The following ETHE1 variants were observed in gnomAD, a reference collection of about 807,000 sequenced individuals.
ETHE1 encodes the protein ETHE1 persulfide dioxygenase, also known as persulfide dioxygenase ETHE1, mitochondrial.
In ETHE1, 16 loss-of-function variants were observed where a neutral mutation model predicts 25.7. That is an observed-to-expected ratio of 0.62 (90% CI 0.42 to 0.95). The LOEUF (loss-of-function observed/expected upper bound fraction) is 0.95. Ranked by LOEUF, ETHE1 falls within the 40% of genes least tolerant of loss-of-function variation. The probability of loss-of-function intolerance (pLI) is 0.00; values close to 1 mark genes in which losing one functional copy is unlikely to be tolerated. For missense variants in ETHE1, 300 were observed against 333.6 expected (o/e 0.90, Z 0.79); for synonymous variants, 139 against 135.9 (o/e 1.02, Z -0.16).
At position 43,527,174 on chromosome 19, in the gene ETHE1, C is replaced by G. The variant is rs1972272506; in HGVS notation, c.4G>C (p.Ala2Pro). Reference protein sequence around the residue: MAEAVLRVARRQ... With the variant: MPEAVLRVARRQ... ...CGGGCGACCCTCAGTACAGCCTCCG[C>G]CATCGCGCCCACTGCGGGGTCAGGA... The change falls in exon 1 of 7, where the codon GCG (alanine) becomes CCG (proline). Residue 2 changes from alanine (A) to proline (P), a missense_variant. Ala to Pro is a conservative substitution (Grantham distance 27). Coordinates refer to ENST00000292147, the MANE Select transcript of ETHE1 (RefSeq NM_014297.5). 3 of 1,537,928 alleles carry G rather than the reference C, an allele frequency of 2.0e-6. No individual in the cohort carries two copies. Among genetic ancestry groups the G allele is most frequent in the Non-Finnish European group, 2.6e-6 (3 of 1,146,642 alleles).
intron 4 of ETHE1, among the ~76,000 whole-genome samples, chr19:43,510,190 T>G (rs1044422341): frequency 6.6e-6 from 1 of 152,118 alleles, no homozygotes; most frequent in African/African-American, 2.4e-5. Context: ...GCTCAAAGGA[T>G]GGCCCAACCC....
chr19:43,521,420 T>C (rs1027994489), intron 3 of ETHE1, among the ~76,000 whole-genome samples: 2 of 152,172 alleles, frequency 1.3e-5, no homozygotes, highest in Non-Finnish European at 2.9e-5. Flanking sequence ...TCCCCTGCCC[T>C]ACACCCCTGC....
chr19:43,513,218 A>G (rs1971953761), intron 3 of ETHE1, among the ~76,000 whole-genome samples: 1 of 152,154 alleles, frequency 6.6e-6, no homozygotes, highest in African/African-American at 2.4e-5. Context: ...GACAGTGCAG[A>G]AGGGAAATGT....
chr19:43,509,721 A>G lies in ETHE1; in HGVS notation c.506-857T>C, dbSNP rs182851421. Among the ~76,000 whole-genome samples, 233 of 152,136 alleles carry G rather than the reference A, an allele frequency of 1.5e-3. 3 individuals are homozygous for G. Among genetic ancestry groups the G allele is most frequent in the Middle Eastern group, 6.8e-3 (2 of 294 alleles). On this transcript the variant is annotated intron_variant, in intron 4 of 6. Transcript: ENST00000292147. The stretch of plus-strand genomic sequence containing the variant: ...TGAGGCAGGAGAATGGCGTGAACCC[A>G]GGAGGCAGAGCTTGCAGTGAGCCAA...
At chr19:43,515,446 A>G (rs919450406) in intron 3 of ETHE1, among the ~76,000 whole-genome samples, 2 of 151,868 alleles carry the variant, frequency 1.3e-5, no homozygotes, top group African/African-American at 4.8e-5. Context: ...AGACAGTGAA[A>G]AGGTAGCCCT....
rs1972261408 is a variant in ETHE1 at position 43,526,840 on chromosome 19, C to A, written c.82-181G>T. The A allele has an allele frequency of 2.7e-6, 4 of 1,485,438 alleles. No homozygotes were observed. The Admixed American group carries it at 8.9e-5, about 33-fold the overall frequency. 92.0% of individuals were successfully genotyped at this position (1,485,438 alleles called of 1,614,324 possible). ...TTCCCCTATCAGAACAAAAGAGTTC[C>A]AACTTCCTAACATCCCAAAATCAGG... On this transcript the variant is annotated intron_variant, in intron 1 of 6. Transcript: ENST00000292147.
In ETHE1 at chr19:43,522,485, A is replaced by AT. The variant is rs71336875; in HGVS notation, c.375+3715dup. Among the ~76,000 whole-genome samples, 11 of 151,956 alleles carry AT rather than the reference A, an allele frequency of 7.2e-5. No individual in the cohort carries two copies. The East Asian group carries it at 2.1e-3, about 29-fold the overall frequency. On this transcript the variant is annotated intron_variant, in intron 3 of 6. Transcript: ENST00000292147. ...ATTTTATTTTTTATTTTATTTATTT[A>AT]TTTTTTTTGAAATGGAGTTTTGCTC...
intron 1 of ETHE1, 155 bp from the exon 2 acceptor site, chr19:43,526,814 C>A (rs1972260578): frequency 6.6e-7 from 1 of 1,506,876 alleles, no homozygotes; most frequent in South Asian, 1.2e-5. Flanking sequence ...GCCCCACTAC[C>A]TTCCCCTATC....
chr19:43,517,701 A>G (rs373360196), intron 3 of ETHE1, among the ~76,000 whole-genome samples: 2 of 151,724 alleles, frequency 1.3e-5, no homozygotes, highest in South Asian at 2.1e-4. Context: ...GCTTGAACCC[A>G]GGAAGCGGAG....
At position 43,518,529 on chromosome 19, in the gene ETHE1, G is replaced by A. The variant is rs528859409; in HGVS notation, c.376-6963C>T. On this transcript the variant is annotated intron_variant, in intron 3 of 6. Coordinates refer to ENST00000292147, the MANE Select transcript of ETHE1 (RefSeq NM_014297.5). Reference sequence around the variant, plus strand: ...TGGGAGGCCGAGACGGGCGGATCACGAGGTCAGGAGATCGAGACCATCCTG... The same window carrying A: ...TGGGAGGCCGAGACGGGCGGATCACAAGGTCAGGAGATCGAGACCATCCTG... Among the ~76,000 whole-genome samples, 12 of 151,864 alleles carry A rather than the reference G, an allele frequency of 7.9e-5. No homozygotes were observed. The East Asian group carries it at 1.7e-3, about 22-fold the overall frequency.
At chr19:43,513,203 G>C (rs1971953168) in intron 3 of ETHE1, among the ~76,000 whole-genome samples, 1 of 152,208 alleles carries the variant, frequency 6.6e-6, no homozygotes, top group South Asian at 2.1e-4. Context: ...GGGAACCTCT[G>C]CTAGGACAGT....
At position 43,508,757 on chromosome 19, in the gene ETHE1, C is replaced by T. The variant is rs1378664277; in HGVS notation, c.595+18G>A. 3.8e-6 allele frequency: 6 copies of T among 1,574,766 alleles called. No homozygotes were observed. The African/African-American group carries it at 8.1e-5, about 21-fold the overall frequency. Reference sequence around the variant, plus strand: ...TCAAAGTTATGTACGCCCCACACCTCTTCCAGGAAGCCCTCACCATGGTAA... The same window carrying T: ...TCAAAGTTATGTACGCCCCACACCTTTTCCAGGAAGCCCTCACCATGGTAA... On this transcript the variant is annotated intron_variant, in intron 5 of 6. Transcript: ENST00000292147.
In ETHE1 at chr19:43,526,319, G is replaced by T. The variant is rs1259569419; in HGVS notation, c.257C>A (p.Thr86Lys). The change falls in exon 3 of 7, where the codon ACA becomes AAA. Residue 86 changes from threonine (T) to lysine (K), a missense_variant. Transcript: ENST00000292147. ...VNTHCHADHI[T>K]GSGLLRSLLP... ...GAGGGAACGGAGCAGCCCCGAGCCT[G>T]TAATGTGGTCCGCGTGGCAGTGGGT... 6.2e-7 allele frequency: 1 copy of T among 1,614,198 alleles called. No individual in the cohort carries two copies.
At chr19:43,511,941 C>A (rs926955236) in intron 3 of ETHE1, among the ~76,000 whole-genome samples, 1 of 152,010 alleles carries the variant, frequency 6.6e-6, no homozygotes, top group African/African-American at 2.4e-5. Context: ...GCAGGTTTTT[C>A]CCATGCTGTC....
At chr19:43,510,512 T>C (rs1157566430) in intron 4 of ETHE1, among the ~76,000 whole-genome samples, 1 of 151,926 alleles carries the variant, frequency 6.6e-6, no homozygotes, top group African/African-American at 2.4e-5. Flanking sequence ...TTTTTGTATT[T>C]TTAGTAGAGA....
At chr19:43,526,908 C>T in intron 1 of ETHE1, 189 bp downstream of exon 1, 1 of 1,477,610 alleles carries the variant, frequency 6.8e-7, no homozygotes, top group Middle Eastern at 2.3e-4. Flanking sequence ...GGGTCTGGCC[C>T]CAAGCCCAGA....
chr19:43,509,884 G>A (rs1971875310), intron 4 of ETHE1, among the ~76,000 whole-genome samples: 1 of 152,214 alleles, frequency 6.6e-6, no homozygotes, highest in Admixed American at 6.6e-5. Flanking sequence ...CCCACAAGCA[G>A]CTCTGAGTCC....
intron 3 of ETHE1, among the ~76,000 whole-genome samples, chr19:43,520,902 C>G (rs1972125794): frequency 6.6e-6 from 1 of 152,164 alleles, no homozygotes; most frequent in Non-Finnish European, 1.5e-5. Context: ...ATCAGACTCT[C>G]TGATTCTAAG....
At chr19:43,520,991 C>T (rs189528463) in intron 3 of ETHE1, among the ~76,000 whole-genome samples, 1 of 152,134 alleles carries the variant, frequency 6.6e-6, no homozygotes, top group Admixed American at 6.6e-5. Context: ...TCTGATTCGG[C>T]CACCCTGTGG....
Sources: gnomAD v4.1 joint callset for allele counts (sites outside exome capture counted in the v4.1 genomes callset) on GRCh38, gnomAD v4.1.1 for gene constraint, MANE v1.5 for transcripts, NCBI Gene and HGNC (gene_info 2026-07-23, HGNC 2026-07-21) for gene names.